Variants in WDFY4 observed in about 807,000 individuals in gnomAD.
WDFY4 encodes WDFY family member 4, also known as WD repeat- and FYVE domain-containing protein 4.
Under a neutral mutation model 351.9 loss-of-function variants are expected in WDFY4, and 169 were observed. That is an observed-to-expected ratio of 0.48 (90% CI 0.42 to 0.55). The LOEUF is 0.55. Ranked by LOEUF, WDFY4 falls within the 20% of genes least tolerant of loss-of-function variation. The pLI, the probability that WDFY4 is intolerant of heterozygous loss-of-function variation, is 0.00. For synonymous variants in WDFY4, 1,622 were observed against 1,574.6 expected, an observed-to-expected ratio of 1.03 and a Z score of -0.71; for missense variants, 3,803 against 3,935.6, an observed-to-expected ratio of 0.97 and a Z score of 0.90.
chr10:48,920,226 C>T (rs1368612591), intron 47 of WDFY4, among the ~76,000 whole-genome samples: 1 of 152,060 alleles, frequency 6.6e-6, no homozygotes, highest in Non-Finnish European at 1.5e-5. Context: ...AAGGCCCTTC[C>T]TTATCTGGCT....
At chr10:48,962,649 A>G (rs1841912712) in intron 53 of WDFY4, among the ~76,000 whole-genome samples, 1 of 152,170 alleles carries the variant, frequency 6.6e-6, no homozygotes, top group South Asian at 2.1e-4. Context: ...CTCTTATGCT[A>G]AATTCTTTGG....
At chr10:48,714,295 G>C (rs547119122) in intron 2 of WDFY4, among the ~76,000 whole-genome samples, 4 of 152,300 alleles carry the variant, frequency 2.6e-5, no homozygotes, top group African/African-American at 7.2e-5. Flanking sequence ...CTGGACAATG[G>C]CTTTGCCTGG....
chr10:48,950,443 G>T (rs1841268180), intron 51 of WDFY4, among the ~76,000 whole-genome samples: 1 of 152,176 alleles, frequency 6.6e-6, no homozygotes, highest in Non-Finnish European at 1.5e-5. Context: ...CATGGCTGGG[G>T]TGCTTCCTCC....
chr10:48,817,170 G>A, intron 31 of WDFY4, 75 bp from the exon 32 acceptor site: 1 of 1,488,840 alleles, frequency 6.7e-7, no homozygotes, highest in East Asian at 2.5e-5. Context: ...CTTCTCCCTA[G>A]ACCTCAGCTC....
rs2064080774 is a variant in WDFY4, at chr10:48,721,306, A to G, written c.395A>G (p.Asp132Gly). 1.9e-6 allele frequency: 3 copies of G among 1,551,506 alleles called. No homozygotes were observed. The East Asian group carries it at 7.3e-5, about 38-fold the overall frequency. The change falls in exon 4 of 62, where the codon GAC (aspartate) becomes GGC (glycine). Residue 132 changes from aspartate (D) to glycine (G), a missense_variant. By Grantham distance (94) the Asp-to-Gly change is moderately conservative. Transcript: ENST00000325239. ...AAGQLLWWKG[D>G]VDQDGYLLLK... ...GGACAGTTGCTGTGGTGGAAGGGGG[A>G]CGTGGATCAGGATGGCTACTTGCTC...
At chr10:48,748,418 C>T (rs569333900) in intron 12 of WDFY4, among the ~76,000 whole-genome samples, 1 of 152,288 alleles carries the variant, frequency 6.6e-6, no homozygotes, top group South Asian at 2.1e-4. Flanking sequence ...CCAGGGCTAC[C>T]TCCAAAGCCT....
intron 39 of WDFY4, among the ~76,000 whole-genome samples, chr10:48,841,869 A>G (rs2068619299): frequency 6.6e-6 from 1 of 152,206 alleles, no homozygotes; most frequent in Non-Finnish European, 1.5e-5. Context: ...CAGCATGTTC[A>G]AGTCTCCATA....
In WDFY4 at chr10:48,807,802, G is replaced by A. The variant is rs1011055378; in HGVS notation, c.4739-57G>A. 5 of 1,525,328 alleles carry A rather than the reference G, an allele frequency of 3.3e-6. No homozygotes were observed. The African/African-American group carries it at 6.9e-5, about 21-fold the overall frequency. The allele number at this position is 1,525,328 out of a possible 1,614,324, so 94.5% of individuals were successfully genotyped here. ...TTGGTGAATATGATTGCTTACTGCA[G>A]CAAATATTATGTCTCTTTACATCCA... On this transcript the variant is annotated intron_variant, in intron 27 of 61. Transcript: ENST00000325239.
intron 34 of WDFY4, 67 bp from the exon 35 acceptor site, chr10:48,822,313 G>C: frequency 6.9e-7 from 1 of 1,452,256 alleles, no homozygotes; most frequent in Non-Finnish European, 9.1e-7. Flanking sequence ...ACTACAGGGG[G>C]CTTGGAGATT....
At chr10:48,812,735 A>G (rs2067499311) in intron 30 of WDFY4, among the ~76,000 whole-genome samples, 1 of 152,150 alleles carries the variant, frequency 6.6e-6, no homozygotes, top group Non-Finnish European at 1.5e-5. Flanking sequence ...CACCTGCAGC[A>G]TCAAGGTCAG....
chr10:48,912,119 A>T (rs555102405), intron 47 of WDFY4, among the ~76,000 whole-genome samples: 141 of 152,356 alleles, frequency 9.3e-4, no homozygotes, highest in African/African-American at 3.0e-3. Flanking sequence ...AAGGTGTGAG[A>T]GTGTGGTACA....
intron 1 of WDFY4, among the ~76,000 whole-genome samples, chr10:48,702,864 G>A (rs1235197858): frequency 6.6e-6 from 1 of 152,152 alleles, no homozygotes; most frequent in African/African-American, 2.4e-5. Flanking sequence ...TGAGAGTGGT[G>A]GTTGCTCTGC....
chr10:48,718,052 G>T (rs777991305), intron 2 of WDFY4, among the ~76,000 whole-genome samples: 1 of 152,144 alleles, frequency 6.6e-6, no homozygotes, highest in Admixed American at 6.5e-5. Flanking sequence ...ATTCTCCTAC[G>T]TTTGGTATTG....
chr10:48,794,821 G>GACTA (rs2066802446), intron 23 of WDFY4, among the ~76,000 whole-genome samples: 1 of 152,142 alleles, frequency 6.6e-6, no homozygotes, highest in Non-Finnish European at 1.5e-5. Context: ...GTCCCTGGTG[G>GACTA]CCTTTCTGAG....
At chr10:48,869,395 C>G (rs559564853) in intron 40 of WDFY4, among the ~76,000 whole-genome samples, 1 of 152,324 alleles carries the variant, frequency 6.6e-6, no homozygotes, top group East Asian at 1.9e-4. Flanking sequence ...AGGCACTTTA[C>G]CCACAACTGA....
chr10:48,856,022 A>G (rs1008903357), intron 39 of WDFY4, among the ~76,000 whole-genome samples: 2 of 152,146 alleles, frequency 1.3e-5, no homozygotes, highest in Non-Finnish European at 2.9e-5. Context: ...GTGTCCCCTG[A>G]AGGTAAGGAG....
chr10:48,946,196 C>G, intron 50 of WDFY4, 39 bp downstream of exon 50: 1 of 1,419,288 alleles, frequency 7.0e-7, no homozygotes, highest in Non-Finnish European at 9.7e-7. Context: ...CAGTGTTATT[C>G]ATCGGGATGC....
intron 57 of WDFY4, among the ~76,000 whole-genome samples, chr10:48,973,128 C>T (rs1009181891): frequency 6.6e-6 from 1 of 152,172 alleles, no homozygotes; most frequent in Admixed American, 6.5e-5. Flanking sequence ...CACTGGTAAA[C>T]AACACGTGCC....
At chr10:48,962,419 A>G (rs59965106) in intron 53 of WDFY4, among the ~76,000 whole-genome samples, 4,696 of 152,236 alleles carry the variant, frequency 0.031, 74 homozygotes, top group Middle Eastern at 0.078. Context: ...GACAATCCCA[A>G]ATGAACATTT....
Sources: gnomAD v4.1 joint callset for allele counts (sites outside exome capture counted in the v4.1 genomes callset) on GRCh38, gnomAD v4.1.1 for gene constraint, MANE v1.5 for transcripts, NCBI Gene and HGNC (gene_info 2026-07-23, HGNC 2026-07-21) for gene names.